The following ARAP2 variants were observed in gnomAD, a reference collection of about 807,000 sequenced individuals.
ARAP2 encodes the protein ArfGAP with RhoGAP domain, ankyrin repeat and PH domain 2.
ARAP2 carries 148 observed loss-of-function variants against 194.5 expected under a neutral mutation model. The ratio of observed to expected loss-of-function variants is 0.76; its 90% CI spans 0.67 to 0.87. The LOEUF (loss-of-function observed/expected upper bound fraction) is 0.87. Ranked by LOEUF, ARAP2 falls within the 40% of genes least tolerant of loss-of-function variation. ARAP2 has a pLI of 0.00. For missense variants in ARAP2, 2,128 were observed against 1,989.7 expected, an observed-to-expected ratio of 1.07 and a Z score of -1.32; for synonymous variants, 695 against 683.5, an observed-to-expected ratio of 1.02 and a Z score of -0.26.
intron 27 of ARAP2, among the ~76,000 whole-genome samples, chr4:36,101,752 T>C (rs925872963): frequency 2.6e-5 from 4 of 152,000 alleles, no homozygotes; most frequent in African/African-American, 9.7e-5. Context: ...TGTGACAAGA[T>C]TAGAAAGCAA....
intron 6 of ARAP2, among the ~76,000 whole-genome samples, chr4:36,198,072 A>G (rs1190493300): frequency 1.3e-5 from 2 of 152,134 alleles, no homozygotes; most frequent in Non-Finnish European, 2.9e-5. Context: ...GTCCAGAAAG[A>G]AGGAGGTACG....
At position 36,114,966 on chromosome 4, in the gene ARAP2, T is replaced by A. The variant is rs1331797413; in HGVS notation, c.4039-679A>T. ...TTTGCTTATGCCAATCTTAAGTGCA[T>A]GCTGGCCAAAAGCAAAATGGCTTTC... On this transcript the variant is annotated intron_variant, in intron 25 of 32. Coordinates refer to ENST00000303965, the MANE Select transcript of ARAP2 (RefSeq NM_015230.4). Among the ~76,000 whole-genome samples the A allele has an allele frequency of 5.3e-5, 8 of 152,036 alleles. No homozygotes were observed. The East Asian group carries it at 1.6e-3, about 29-fold the overall frequency.
chr4:36,048,490 T>C (rs1389659918), intron 3 of ARAP2, among the ~76,000 whole-genome samples: 4 of 152,144 alleles, frequency 2.6e-5, no homozygotes, highest in Non-Finnish European at 5.9e-5. Flanking sequence ...CCTGTATTAA[T>C]TTGCTTAGGA....
intron 5 of ARAP2, among the ~76,000 whole-genome samples, chr4:36,026,956 G>C (rs758122593): frequency 4.6e-5 from 7 of 152,322 alleles, no homozygotes; most frequent in Non-Finnish European, 8.8e-5. Context: ...TTTTCTACAA[G>C]GCAGGTCAGA....
chr4:36,244,562 A>C (rs1206945444), upstream of ARAP2: 1 of 151,378 alleles, frequency 6.6e-6, no homozygotes, highest in African/African-American at 2.4e-5. Flanking sequence ...GGGAAGCCGG[A>C]GCTCAACGGC....
intron 27 of ARAP2, among the ~76,000 whole-genome samples, chr4:36,096,910 G>A (rs1230816393): frequency 6.6e-6 from 1 of 152,100 alleles, no homozygotes; most frequent in Non-Finnish European, 1.5e-5. Flanking sequence ...ATAATGCCTT[G>A]TTGGTTTACA....
chr4:36,046,843 T>C (rs139925114), exon 4 of ARAP2: 1 of 152,328 alleles, frequency 6.6e-6, no homozygotes, highest in African/African-American at 2.4e-5. Flanking sequence ...GACACATTGT[T>C]ACCCACCTCA....
At chr4:36,200,391 G>T (rs1398390270) in intron 6 of ARAP2, among the ~76,000 whole-genome samples, 1 of 152,002 alleles carries the variant, frequency 6.6e-6, no homozygotes, top group Non-Finnish European at 1.5e-5. Flanking sequence ...GAGTAGCTGG[G>T]ATTACGGGCA....
chr4:36,070,555 G>C (rs1418252732), intron 32 of ARAP2, among the ~76,000 whole-genome samples: 1 of 152,164 alleles, frequency 6.6e-6, no homozygotes, highest in Non-Finnish European at 1.5e-5. Flanking sequence ...ACTTATCATA[G>C]CTAGAGAATG....
chr4:36,035,101 G>C (rs1407548564), intron 5 of ARAP2, among the ~76,000 whole-genome samples: 2 of 152,072 alleles, frequency 1.3e-5, no homozygotes, highest in Non-Finnish European at 2.9e-5. Flanking sequence ...TGGCCTCATA[G>C]AATGAGCTGG....
intron 30 of ARAP2, among the ~76,000 whole-genome samples, chr4:36,080,976 A>C (rs755161991): frequency 2.0e-4 from 30 of 152,274 alleles, no homozygotes; most frequent in Non-Finnish European, 3.1e-4. Flanking sequence ...ATAAGAGGAA[A>C]ATTTTATAAT....
At chr4:36,057,746 T>G (rs553675489) in intron 2 of ARAP2, among the ~76,000 whole-genome samples, 1 of 152,256 alleles carries the variant, frequency 6.6e-6, no homozygotes, top group East Asian at 1.9e-4. Flanking sequence ...CTGTATTTTT[T>G]GTCTATTTTC....
At chr4:36,147,485 C>G (rs1478781843) in intron 18 of ARAP2, 63 bp downstream of exon 18, 3 of 1,570,200 alleles carry the variant, frequency 1.9e-6, no homozygotes, top group Non-Finnish European at 2.6e-6. Flanking sequence ...TTACTAAAGG[C>G]TATCACTATT....
intron 5 of ARAP2, among the ~76,000 whole-genome samples, chr4:36,038,326 G>C (rs191492342): frequency 6.6e-6 from 1 of 152,136 alleles, no homozygotes; most frequent in Non-Finnish European, 1.5e-5. Flanking sequence ...GACTATAAAG[G>C]ATCAGGGAAT....
Position 36,157,453 on chromosome 4 carries a change from T to C in ARAP2, c.2752+1277A>G, listed in dbSNP as rs990013357. The C allele has an allele frequency of 3.2e-4, 49 of 152,114 alleles. 1 individual carries two copies. The highest frequency in any genetic ancestry group is 2.4e-3 in the Admixed American group (36 of 15,284). The allele number at this position is 152,114 out of a possible 1,614,324, so 9.4% of individuals were successfully genotyped here. On this transcript the variant is annotated intron_variant, in intron 15 of 32. Coordinates refer to ENST00000303965, the MANE Select transcript of ARAP2 (RefSeq NM_015230.4). ...CTGAGTAAAGGATGACAAAAACCAATTGTCGAAAGAACCAAAAACATCTAA... is the reference window on the plus strand; with the variant it reads ...CTGAGTAAAGGATGACAAAAACCAACTGTCGAAAGAACCAAAAACATCTAA...
At chr4:36,201,791 G>T (rs993150614) in intron 6 of ARAP2, among the ~76,000 whole-genome samples, 3 of 151,738 alleles carry the variant, frequency 2.0e-5, no homozygotes, top group African/African-American at 7.3e-5. Flanking sequence ...AGTGCCAGCA[G>T]AGTTTTTTTT....
At chr4:36,097,404 C>T (rs1244631865) in intron 27 of ARAP2, among the ~76,000 whole-genome samples, 2 of 151,958 alleles carry the variant, frequency 1.3e-5, no homozygotes, top group Non-Finnish European at 2.9e-5. Flanking sequence ...AGTAGAAAGC[C>T]ACCAATTAAA....
chr4:36,197,680 G>A (rs1271785046), intron 6 of ARAP2, among the ~76,000 whole-genome samples: 1 of 152,192 alleles, frequency 6.6e-6, no homozygotes, highest in African/African-American at 2.4e-5. Context: ...AGGGGTGTGT[G>A]AGCAAGTGAG....
intron 15 of ARAP2, among the ~76,000 whole-genome samples, chr4:36,151,446 C>T (rs1284337754): frequency 1.3e-5 from 2 of 152,162 alleles, no homozygotes; most frequent in East Asian, 1.9e-4. Flanking sequence ...AGAATCTGCA[C>T]GGCCCTTAAT....
Sources: gnomAD v4.1 joint callset for allele counts (sites outside exome capture counted in the v4.1 genomes callset) on GRCh38, gnomAD v4.1.1 for gene constraint, MANE v1.5 for transcripts, NCBI Gene and HGNC (gene_info 2026-07-23, HGNC 2026-07-21) for gene names.